Variants in ORC1 observed in about 807,000 individuals in gnomAD.
The protein encoded by ORC1 is origin recognition complex subunit 1, also known as origin recognition complex, subunit 1 homolog.
Under a neutral mutation model 98.9 loss-of-function variants are expected in ORC1, and 61 were observed. The observed-to-expected ratio is 0.62, with a 90% CI of 0.50 to 0.76. The LOEUF (loss-of-function observed/expected upper bound fraction) is 0.76, where lower values mean the gene tolerates loss of function less well. Ranked by LOEUF, ORC1 falls within the 30% of genes least tolerant of loss-of-function variation. ORC1 has a pLI of 0.00. For missense variants in ORC1, 979 were observed against 1,072.2 expected (o/e 0.91, Z 1.21); for synonymous variants, 385 against 406.9 (o/e 0.95, Z 0.65).
intron 6 of ORC1, among the ~76,000 whole-genome samples, chr1:52,391,106 C>T (rs1190912794): frequency 2.0e-5 from 3 of 150,672 alleles, no homozygotes; most frequent in South Asian, 2.1e-4. Context: ...GTCAGGAGTT[C>T]GAGACCAGCC....
At position 52,374,842 on chromosome 1, in the gene ORC1, G is replaced by C; in HGVS notation, c.2359C>G (p.Arg787Gly). The change falls in exon 16 of 17, where the codon CGA becomes GGA. Residue 787 changes from arginine to glycine, a missense_variant. Transcript: ENST00000371568. ...AACGTGGCTTCCTCCAGTCCTGATC[G>C]ACGGAACTCTGCGAGGATGGCTCTC... is the stretch of plus-strand genomic sequence containing the variant. The part of the protein sequence containing the change: ...FLRAILAEFR[R>G]SGLEEATFQQ... The C allele has an allele frequency of 6.2e-7, 1 of 1,613,810 alleles. No homozygotes were observed. The highest frequency in any genetic ancestry group is 8.5e-7 in the Non-Finnish European group (1 of 1,179,714).
chr1:52,380,990 A>G (rs1397997220), intron 14 of ORC1, among the ~76,000 whole-genome samples: 2 of 152,124 alleles, frequency 1.3e-5, no homozygotes. Flanking sequence ...GGAAACTAGA[A>G]ATAAGTTTAT....
rs1157946808 is a variant in ORC1, at chr1:52,383,347, A to G, written c.2013+73T>C. ...TACAGGCGTGAGCCACCACACCTGGACCATTTTTGCAGAACTTCTTGGCCA... is the reference window on the plus strand; with the variant it reads ...TACAGGCGTGAGCCACCACACCTGGGCCATTTTTGCAGAACTTCTTGGCCA... On this transcript the variant is annotated intron_variant, in intron 13 of 16. Transcript: ENST00000371568. 3.8e-6 allele frequency: 6 copies of G among 1,581,906 alleles called. No homozygotes were observed. The Admixed American group carries it at 5.0e-5, about 13-fold the overall frequency.
chr1:52,379,087 T>A (rs573676870), intron 14 of ORC1, among the ~76,000 whole-genome samples: 8 of 151,802 alleles, frequency 5.3e-5, no homozygotes, highest in African/African-American at 1.9e-4. Flanking sequence ...CATGGAAGAG[T>A]AGCGGTTAGT....
chr1:52,385,930 C>T lies in ORC1; in HGVS notation c.1403G>A (p.Arg468His). The change falls in exon 9 of 17, where the codon CGT becomes CAT. Residue 468 changes from arginine (R) to histidine (H), a missense_variant. Transcript: ENST00000371568. Reference protein sequence around the residue: ...PKKSLKPRTPRCAAPQIRSRS... With the variant: ...PKKSLKPRTPHCAAPQIRSRS... ...ACTACGGATCTGAGGAGCGGCACAA[C>T]GTGGCGTTCTAGGCTTGAGCTGTAT... 5.6e-6 allele frequency: 9 copies of T among 1,613,536 alleles called. No homozygotes were observed. Among genetic ancestry groups the T allele is most frequent in the Middle Eastern group, 1.8e-4 (1 of 5,676 alleles).
At chr1:52,386,642 C>T (rs960280950) in intron 8 of ORC1, among the ~76,000 whole-genome samples, 1 of 152,146 alleles carries the variant, frequency 6.6e-6, no homozygotes, top group Non-Finnish European at 1.5e-5. Context: ...CATTTCCTCC[C>T]GAGGCAGAAA....
Position 52,389,335 on chromosome 1 carries a change from C to T in ORC1, c.1083-14G>A, listed in dbSNP as rs1412465598. Reference sequence around the variant, plus strand: ...TCTTTTGCATCCCTGCAAGAAACCACAGCGAGGTCACGGGAAGCAGTTTTG... The same window carrying T: ...TCTTTTGCATCCCTGCAAGAAACCATAGCGAGGTCACGGGAAGCAGTTTTG... On this transcript the variant is annotated splice_polypyrimidine_tract_variant and intron_variant, in intron 6 of 16. Transcript: ENST00000371568. 2.5e-6 allele frequency: 4 copies of T among 1,606,314 alleles called. No homozygotes were observed. The highest frequency in any genetic ancestry group is 3.4e-6 in the Non-Finnish European group (4 of 1,172,984).
At chr1:52,391,288 G>A (rs1452078789) in intron 6 of ORC1, among the ~76,000 whole-genome samples, 14 of 141,406 alleles carry the variant, frequency 9.9e-5, no homozygotes, top group African/African-American at 3.3e-4. Flanking sequence ...CAGCCTGGGC[G>A]TCAGACAGAG....
chr1:52,399,839 A>AC lies in ORC1; in HGVS notation c.223+1522_223+1523insG, dbSNP rs766029887. 2.5e-3 allele frequency among the ~76,000 whole-genome samples: 385 copies of AC among 151,142 alleles called. 4 individuals are homozygous for AC. The highest frequency in any genetic ancestry group is 8.9e-3 in the African/African-American group (367 of 41,220). The stretch of plus-strand genomic sequence containing the variant: ...CACACACACACACACACACACACAC[A>AC]AGAATTACAGCATCAACCACTGAGA... On this transcript the variant is annotated intron_variant, in intron 3 of 16. Transcript: ENST00000371568.
At position 52,383,579 on chromosome 1, in the gene ORC1, C is replaced by T. The variant is rs1256536429; in HGVS notation, c.1864-10G>A. 1 of 1,613,984 alleles carries T rather than the reference C, an allele frequency of 6.2e-7. No individual in the cohort carries two copies. Among genetic ancestry groups the T allele is most frequent in the Non-Finnish European group, 8.5e-7 (1 of 1,180,000 alleles). ...TCCACAGAAGGTCGAGCTGCCAGGGCAAAGGAGAGAGGTGCAGAGTCAATC... is the reference window on the plus strand; with the variant it reads ...TCCACAGAAGGTCGAGCTGCCAGGGTAAAGGAGAGAGGTGCAGAGTCAATC... On this transcript the variant is annotated splice_polypyrimidine_tract_variant and intron_variant, in intron 12 of 16. Coordinates refer to ENST00000371568, the MANE Select transcript of ORC1 (RefSeq NM_004153.4).
chr1:52,406,332 C>G (rs1647995448), upstream of ORC1, among the ~76,000 whole-genome samples: 1 of 152,126 alleles, frequency 6.6e-6, no homozygotes, highest in South Asian at 2.1e-4. Flanking sequence ...TAATCTTCTA[C>G]TTTACTTTCT....
At chr1:52,399,280 G>C (rs1322417939) in intron 3 of ORC1, among the ~76,000 whole-genome samples, 1 of 152,146 alleles carries the variant, frequency 6.6e-6, no homozygotes, top group East Asian at 1.9e-4. Context: ...CTTGAGGTCA[G>C]GAGTTGGAGA....
At chr1:52,388,759 C>T in intron 7 of ORC1, 122 bp from the exon 8 acceptor site, 1 of 828,738 alleles carries the variant, frequency 1.2e-6, no homozygotes, top group Non-Finnish European at 2.1e-6. Context: ...GACATGGGTG[C>T]TTGCTACCGA....
intron 6 of ORC1, among the ~76,000 whole-genome samples, chr1:52,392,069 A>C (rs1297536075): frequency 1.3e-5 from 2 of 152,152 alleles, no homozygotes; most frequent in African/African-American, 4.8e-5. Flanking sequence ...TTCCTGTTAG[A>C]ATGGCCATAA....
Position 52,384,564 on chromosome 1 carries a change from C to A in ORC1, c.1741G>T (p.Val581Leu). Residue 581 changes from valine (V) to leucine (L), a missense_variant, in exon 11 of 17, where the codon GTG (valine) becomes TTG (leucine). Transcript: ENST00000371568. ...GCTCTGCTTACCTGCAAGATTTGCA[C>A]ATAGACTTGGTGGGGCTCCGTCAGC... The part of the protein sequence containing the change: ...MKLTEPHQVY[V>L]QILQKLTGQK... The A allele has an allele frequency of 6.2e-7, 1 of 1,614,150 alleles. No individual in the cohort carries two copies. Among genetic ancestry groups the A allele is most frequent in the Non-Finnish European group, 8.5e-7 (1 of 1,180,024 alleles).
chr1:52,375,392 C>T (rs779751935), intron 15 of ORC1, 38 bp downstream of exon 15: 38 of 1,582,986 alleles, frequency 2.4e-5, no homozygotes, highest in East Asian at 4.5e-5. Context: ...CATGTTTCTA[C>T]AGCCTTCCAG....
At chr1:52,375,361 G>A (rs1291913083) in intron 15 of ORC1, 69 bp downstream of exon 15, 1 of 1,446,382 alleles carries the variant, frequency 6.9e-7, no homozygotes, top group Admixed American at 1.7e-5. Flanking sequence ...GGTTGAATGA[G>A]TAAAAGCTTA....
intron 13 of ORC1, 95 bp from the exon 14 acceptor site, chr1:52,381,856 G>A (rs1647075037): frequency 7.9e-7 from 1 of 1,265,564 alleles, no homozygotes; most frequent in Non-Finnish European, 1.1e-6. Context: ...CCAATTCCCA[G>A]GTCCCATATA....
In ORC1 at chr1:52,383,449, T is replaced by G; in HGVS notation, c.1984A>C (p.Ile662Leu). The change falls in exon 13 of 17, where the codon ATC becomes CTC. Residue 662 changes from isoleucine (I) to leucine (L), a missense_variant. Ile to Leu is a conservative substitution (Grantham distance 5, BLOSUM62 2). Coordinates refer to ENST00000371568, the MANE Select transcript of ORC1 (RefSeq NM_004153.4). ...CGGCTGGACACCCGGTTCATCATGA[T>G]TCGCTCTGGCAGGTCCATTGTGTTG... is the stretch of plus-strand genomic sequence containing the variant. ...IANTMDLPER[I>L]MMNRVSSRLG... is the part of the protein sequence containing the mutation. 1 of 1,613,008 alleles carries G rather than the reference T, an allele frequency of 6.2e-7. No individual in the cohort carries two copies. The highest frequency in any genetic ancestry group is 8.5e-7 in the Non-Finnish European group (1 of 1,180,020).
Sources: gnomAD v4.1 joint callset for allele counts (sites outside exome capture counted in the v4.1 genomes callset) on GRCh38, gnomAD v4.1.1 for gene constraint, MANE v1.5 for transcripts, NCBI Gene and HGNC (gene_info 2026-07-23, HGNC 2026-07-21) for gene names.